ADCY2: variants seen among roughly 807,000 people sequenced by gnomAD.
ADCY2 encodes the protein adenylate cyclase 2.
A neutral mutation model predicts 125.2 loss-of-function variants in ADCY2; 31 were observed. That is an observed-to-expected ratio of 0.25 (90% CI 0.19 to 0.33). ADCY2 has a LOEUF of 0.33. Ranked by LOEUF, ADCY2 falls within the 10% of genes least tolerant of loss-of-function variation. ADCY2 has a pLI of 1.00. For synonymous variants in ADCY2, 512 were observed against 548.4 expected (o/e 0.93, Z 0.93); for missense variants, 904 against 1,418.2 (o/e 0.64, Z 5.82).
At chr5:7,447,182 G>A (rs1741295006) in intron 2 of ADCY2, among the ~76,000 whole-genome samples, 1 of 136,064 alleles carries the variant, frequency 7.3e-6, no homozygotes, top group Non-Finnish European at 1.7e-5. Context: ...CTTGTTCTGG[G>A]GATCCCTCCA....
At chr5:7,637,935 A>C (rs1034823705) in intron 4 of ADCY2, among the ~76,000 whole-genome samples, 5 of 152,152 alleles carry the variant, frequency 3.3e-5, no homozygotes, top group Non-Finnish European at 7.3e-5. Context: ...CAAAAAGGCT[A>C]GGAGCTTCTC....
At chr5:7,490,507 T>C (rs745900108) in intron 2 of ADCY2, among the ~76,000 whole-genome samples, 13 of 152,176 alleles carry the variant, frequency 8.5e-5, no homozygotes, top group Non-Finnish European at 1.5e-4. Context: ...GAGGCTTTAG[T>C]ACATACACAG....
At chr5:7,432,962 G>A (rs933193059) in intron 2 of ADCY2, among the ~76,000 whole-genome samples, 7 of 152,122 alleles carry the variant, frequency 4.6e-5, no homozygotes, top group East Asian at 1.9e-4. Context: ...CCTCAGTAAG[G>A]GTGTAAGATG....
At chr5:7,621,412 T>C (rs895973319) in intron 3 of ADCY2, among the ~76,000 whole-genome samples, 2 of 152,238 alleles carry the variant, frequency 1.3e-5, no homozygotes, top group Non-Finnish European at 2.9e-5. Context: ...TCTTTAGAAA[T>C]TCCTCAAAAA....
At chr5:7,589,394 A>G (rs1579604389) in intron 3 of ADCY2, among the ~76,000 whole-genome samples, 1 of 150,156 alleles carries the variant, frequency 6.7e-6, no homozygotes, top group African/African-American at 2.5e-5. Context: ...AAAAAGAAAG[A>G]AAGAAGAGAG....
In ADCY2 at chr5:7,776,575, T is replaced by A. The variant is rs1224518776; in HGVS notation, c.2384+3474T>A. The stretch of plus-strand genomic sequence containing the variant: ...TGATGGTTAATGTTAGATGTCAACA[T>A]GATTGGATTGAAGGATGTCTAGGTA... On this transcript the variant is annotated intron_variant, in intron 18 of 24. Coordinates refer to ENST00000338316, the MANE Select transcript of ADCY2 (RefSeq NM_020546.3). 5.9e-5 allele frequency among the ~76,000 whole-genome samples: 9 copies of A among 152,134 alleles called. No homozygotes were observed. The East Asian group carries it at 1.7e-3, about 29-fold the overall frequency.
intron 15 of ADCY2, among the ~76,000 whole-genome samples, chr5:7,746,983 G>GATA (rs10634270): frequency 0.86 from 130,140 of 152,010 alleles, 55,907 homozygotes; most frequent in East Asian, 0.97. Flanking sequence ...AAAAAATGGT[G>GATA]ATGATGAATT....
chr5:7,666,116 G>A (rs776400943), intron 4 of ADCY2, among the ~76,000 whole-genome samples: 3 of 151,618 alleles, frequency 2.0e-5, no homozygotes, highest in Non-Finnish European at 2.9e-5. Flanking sequence ...GGGATTACAG[G>A]CGTGAGCCAC....
At chr5:7,789,927 C>G (rs980883776) in intron 20 of ADCY2, 127 bp downstream of exon 20, 1 of 714,564 alleles carries the variant, frequency 1.4e-6, no homozygotes, top group African/African-American at 1.8e-5. Flanking sequence ...TCAAATTGGC[C>G]AAGATTGGCT....
intron 3 of ADCY2, among the ~76,000 whole-genome samples, chr5:7,594,947 C>T (rs1346003541): frequency 1.3e-5 from 2 of 152,248 alleles, no homozygotes; most frequent in East Asian, 1.9e-4. Flanking sequence ...GAGTCCAGAG[C>T]CTGCTTTTAA....
intron 4 of ADCY2, among the ~76,000 whole-genome samples, chr5:7,684,230 G>A (rs1740435036): frequency 1.3e-5 from 2 of 152,192 alleles, no homozygotes; most frequent in South Asian, 2.1e-4. Context: ...TCTCACACTG[G>A]TGCTGATCTA....
rs1736304133 is a variant in ADCY2, at chr5:7,577,948, G to A, written c.571-48219G>A. 2.0e-5 allele frequency among the ~76,000 whole-genome samples: 3 copies of A among 152,242 alleles called. No homozygotes were observed. The South Asian group carries it at 6.2e-4, about 32-fold the overall frequency. ...GGACAAGAGATTTTCCCACCTCTTG[G>A]CTTCGTCTTAACCCTATAACTGTTA... On this transcript the variant is annotated intron_variant, in intron 3 of 24. Coordinates refer to ENST00000338316, the MANE Select transcript of ADCY2 (RefSeq NM_020546.3).
intron 3 of ADCY2, among the ~76,000 whole-genome samples, chr5:7,560,534 G>A (rs1735675829): frequency 6.6e-6 from 1 of 151,764 alleles, no homozygotes; most frequent in Non-Finnish European, 1.5e-5. Context: ...TAATAGTGTT[G>A]ACCCTTTATG....
chr5:7,772,260 C>T (rs1472266797), intron 17 of ADCY2, among the ~76,000 whole-genome samples: 1 of 152,170 alleles, frequency 6.6e-6, no homozygotes, highest in African/African-American at 2.4e-5. Context: ...GGAAATGGCT[C>T]ACCTGGGGCA....
intron 3 of ADCY2, among the ~76,000 whole-genome samples, chr5:7,558,596 G>A (rs1369210280): frequency 6.6e-6 from 1 of 151,938 alleles, no homozygotes; most frequent in Non-Finnish European, 1.5e-5. Context: ...GACCTCTGTT[G>A]GATGCGTAGT....
intron 22 of ADCY2, among the ~76,000 whole-genome samples, chr5:7,805,634 C>A (rs908220485): frequency 1.3e-5 from 2 of 152,110 alleles, no homozygotes; most frequent in African/African-American, 4.8e-5. Context: ...TGTGGACAGG[C>A]AGGTTCTCAA....
intron 3 of ADCY2, among the ~76,000 whole-genome samples, chr5:7,591,515 C>T (rs1736848350): frequency 1.3e-5 from 2 of 152,108 alleles, no homozygotes; most frequent in African/African-American, 4.8e-5. Flanking sequence ...CAAACTAGGT[C>T]TAATATTTAA....
chr5:7,749,196 T>C (rs1321932263), intron 15 of ADCY2, among the ~76,000 whole-genome samples: 6 of 152,216 alleles, frequency 3.9e-5, no homozygotes, highest in African/African-American at 1.4e-4. Flanking sequence ...TCCTAAAGTA[T>C]GTTTTTCAGC....
At chr5:7,601,060 G>A (rs983016527) in intron 3 of ADCY2, among the ~76,000 whole-genome samples, 6 of 152,224 alleles carry the variant, frequency 3.9e-5, no homozygotes, top group Admixed American at 3.9e-4. Flanking sequence ...TGGTACCATA[G>A]AGGCCTCTAG....
Sources: allele counts gnomAD v4.1 joint callset (sites outside exome capture counted in the v4.1 genomes callset), GRCh38; gene constraint gnomAD v4.1.1; transcripts MANE v1.5; gene names NCBI Gene and HGNC (gene_info 2026-07-23, HGNC 2026-07-21).